Variants in PTGER3 observed in about 807,000 individuals in gnomAD.
PTGER3 encodes the protein prostaglandin E2 receptor EP3 subtype.
PTGER3 carries 22 observed loss-of-function variants against 34.7 expected under a neutral mutation model. The observed-to-expected ratio is 0.63, with a 90% CI of 0.45 to 0.91. The LOEUF is 0.91. Among genes scored for constraint, PTGER3 ranks in the 40% least tolerant of loss-of-function variants. PTGER3 has a pLI of 0.00. For missense variants in PTGER3, 468 were observed against 519.4 expected, an observed-to-expected ratio of 0.90 and a Z score of 0.96; for synonymous variants, 241 against 230.1, an observed-to-expected ratio of 1.05 and a Z score of -0.43.
chr1:70,867,106 T>G (rs1441023126), intron 4 of PTGER3, among the ~76,000 whole-genome samples: 2 of 152,246 alleles, frequency 1.3e-5, no homozygotes, highest in East Asian at 3.8e-4. Flanking sequence ...GTTTCCTGAA[T>G]AGACCACAGA....
chr1:70,949,142 T>C (rs1650503702), downstream of PTGER3, among the ~76,000 whole-genome samples: 1 of 151,914 alleles, frequency 6.6e-6, no homozygotes, highest in African/African-American at 2.4e-5. Flanking sequence ...CATCTACGGA[T>C]AAATATACGA....
At chr1:70,984,030 T>C (rs1052817274) in intron 2 of PTGER3, among the ~76,000 whole-genome samples, 7 of 152,158 alleles carry the variant, frequency 4.6e-5, no homozygotes, top group Non-Finnish European at 1.0e-4. Flanking sequence ...GAAAATGTTC[T>C]GTATGGTTTA....
chr1:70,882,104 C>T (rs1000370292), intron 4 of PTGER3, among the ~76,000 whole-genome samples: 2 of 152,216 alleles, frequency 1.3e-5, no homozygotes, highest in Admixed American at 1.3e-4. Context: ...ACCCTTCTTG[C>T]CATCTCAGTG....
intron 4 of PTGER3, among the ~76,000 whole-genome samples, chr1:70,938,338 G>A (rs922690618): frequency 2.0e-5 from 3 of 151,964 alleles, no homozygotes; most frequent in African/African-American, 7.3e-5. Context: ...AATATAATTT[G>A]TAAGTTACCT....
chr1:70,903,604 C>G (rs879592882), intron 4 of PTGER3, among the ~76,000 whole-genome samples: 8 of 152,172 alleles, frequency 5.3e-5, no homozygotes, highest in Non-Finnish European at 7.3e-5. Flanking sequence ...ACCCATGCTT[C>G]TTTGGTAATG....
chr1:70,853,607 T>G (rs1304421063), intron 4 of PTGER3, among the ~76,000 whole-genome samples: 1 of 152,180 alleles, frequency 6.6e-6, no homozygotes, highest in Non-Finnish European at 1.5e-5. Flanking sequence ...GGTTTTGTAG[T>G]GGGCCATAAT....
At chr1:70,963,043 A>G (rs1049809908) in intron 2 of PTGER3, among the ~76,000 whole-genome samples, 2 of 152,316 alleles carry the variant, frequency 1.3e-5, no homozygotes, top group Middle Eastern at 3.4e-3. Context: ...GGCCAAAATG[A>G]AGGGGATGCA....
intron 2 of PTGER3, chr1:71,007,408 A>G (rs896664544): frequency 1.0e-6 from 1 of 985,728 alleles, no homozygotes; most frequent in Non-Finnish European, 1.2e-6. Flanking sequence ...TCAGCAGTCA[A>G]TAATGGCCTG....
intron 4 of PTGER3, among the ~76,000 whole-genome samples, chr1:70,878,272 A>AT (rs1646315603): frequency 6.6e-6 from 1 of 151,998 alleles, no homozygotes. Flanking sequence ...GGTGTTCATC[A>AT]TAATCTTTGA....
At chr1:71,034,238 A>G (rs1186242061) in intron 1 of PTGER3, among the ~76,000 whole-genome samples, 2 of 152,190 alleles carry the variant, frequency 1.3e-5, no homozygotes, top group African/African-American at 2.4e-5. Context: ...AAAAACTGTT[A>G]AAGTTTTTAA....
intron 4 of PTGER3, among the ~76,000 whole-genome samples, chr1:70,901,905 A>G (rs1009014328): frequency 2.0e-4 from 31 of 152,180 alleles, no homozygotes; most frequent in African/African-American, 6.8e-4. Flanking sequence ...AAACTTCAAA[A>G]ATATCAGCCT....
At chr1:70,876,281 GT>G (rs202101787) in intron 4 of PTGER3, among the ~76,000 whole-genome samples, 1,614 of 132,142 alleles carry the variant, frequency 0.012, 15 homozygotes, top group East Asian at 0.041. Flanking sequence ...TTTTTAATGG[GT>G]TTTTTTTTTT....
In PTGER3 at chr1:70,905,136, T is replaced by C. The variant is rs563362571; in HGVS notation, c.*23+48627A>G. ...TTCCACATGGTGTTGAGTCTGGGAG[T>C]GCACAGAGGTCAAGAATTGGGGTTT... On this transcript the variant is annotated intron_variant, in intron 4 of 4. Coordinates refer to the PTGER3 transcript ENST00000370931. Among the ~76,000 whole-genome samples the C allele has an allele frequency of 3.9e-5, 6 of 152,094 alleles. No homozygotes were observed. The South Asian group carries it at 1.2e-3, about 32-fold the overall frequency.
At chr1:70,930,635 G>T (rs539014228) in intron 4 of PTGER3, among the ~76,000 whole-genome samples, 1 of 152,114 alleles carries the variant, frequency 6.6e-6, no homozygotes, top group Non-Finnish European at 1.5e-5. Flanking sequence ...TTCTTACATG[G>T]CAGTGGCAAG....
intron 4 of PTGER3, among the ~76,000 whole-genome samples, chr1:70,862,795 C>T (rs1321359344): frequency 6.6e-6 from 1 of 152,082 alleles, no homozygotes; most frequent in East Asian, 1.9e-4. Flanking sequence ...GAGGATGGAT[C>T]AGGAAGGGCT....
intron 2 of PTGER3, chr1:71,009,125 A>C (rs1572919217): frequency 1.0e-6 from 1 of 985,226 alleles, no homozygotes; most frequent in African/African-American, 1.7e-5. Flanking sequence ...CGTTGAATAA[A>C]TAAAAAGCCT....
At chr1:70,910,075 A>C (rs887178783) in intron 4 of PTGER3, among the ~76,000 whole-genome samples, 1 of 152,234 alleles carries the variant, frequency 6.6e-6, no homozygotes, top group Non-Finnish European at 1.5e-5. Flanking sequence ...GCATGTTACT[A>C]TTGCTAATAA....
At chr1:70,964,552 T>A (rs1490615763) in intron 2 of PTGER3, among the ~76,000 whole-genome samples, 3 of 152,094 alleles carry the variant, frequency 2.0e-5, no homozygotes, top group Non-Finnish European at 4.4e-5. Flanking sequence ...TCATCTCTTG[T>A]GAGATGTATT....
chr1:71,012,435 T>A lies in PTGER3; in HGVS notation c.947A>T (p.Lys316Met). The part of the protein sequence containing the change: ...IFNQTSVEHC[K>M]THTEKQKECN... ...TTCTTTCTGCTTCTCCGTGTGTGTC[T>A]TGCAGTGCTCAACTGATGTCTGATT... The change falls in exon 2 of 4, where the codon AAG (lysine) becomes ATG (methionine). Residue 316 changes from lysine to methionine, a missense_variant. Around this residue, in one of 5 missense-constraint regions of PTGER3, gnomAD observed 204 missense variants for 230.8 expected, o/e 0.88. Coordinates refer to ENST00000306666, the MANE Select transcript of PTGER3 (RefSeq NM_198719.2). 1 of 1,614,158 alleles carries A rather than the reference T, an allele frequency of 6.2e-7. No individual in the cohort carries two copies. The highest frequency in any genetic ancestry group is 8.5e-7 in the Non-Finnish European group (1 of 1,180,030).
Sources: allele counts gnomAD v4.1 joint callset (sites outside exome capture counted in the v4.1 genomes callset), GRCh38; gene constraint gnomAD v4.1.1; regional missense constraint gnomAD v4.1.1; transcripts MANE v1.5; gene names NCBI Gene and HGNC (gene_info 2026-07-23, HGNC 2026-07-21).